Variants in FTSJ3 observed in about 807,000 individuals in gnomAD.
The protein encoded by FTSJ3 is FtsJ RNA 2'-O-methyltransferase 3.
A neutral mutation model predicts 111.5 loss-of-function variants in FTSJ3; 46 were observed. The ratio of observed to expected loss-of-function variants is 0.41; its 90% CI spans 0.33 to 0.53. FTSJ3 has a LOEUF of 0.53. Ranked by LOEUF, FTSJ3 falls within the 20% of genes least tolerant of loss-of-function variation. The probability of loss-of-function intolerance (pLI) is 0.19; values close to 1 mark genes in which losing one functional copy is unlikely to be tolerated. For missense variants in FTSJ3, 1,075 were observed against 1,063.8 expected (o/e 1.01, Z -0.15); for synonymous variants, 408 against 383.0 (o/e 1.07, Z -0.76).
At chr17:63,826,029 G>C in intron 5 of FTSJ3, 27 bp downstream of exon 5, 1 of 1,551,894 alleles carries the variant, frequency 6.4e-7, no homozygotes, top group Non-Finnish European at 8.8e-7. Context: ...CGTATAAAGG[G>C]GGAAGGAAGA....
rs901904744 is a variant in FTSJ3 at position 63,827,212 on chromosome 17, T to C, written c.-187A>G. The C allele has an allele frequency of 5.0e-6, 3 of 604,952 alleles. No homozygotes were observed. Among genetic ancestry groups the C allele is most frequent in the Non-Finnish European group, 8.8e-6 (3 of 342,056 alleles). 37.5% of individuals were successfully genotyped at this position (604,952 alleles called of 1,614,324 possible). A position where few individuals can be genotyped will look rare whatever the true frequency, so the allele number is the denominator to read the frequency against. ...ATACTCTGTCCTTGGGTTTTGTAAG[T>C]TGAAAGTTGAGACTAGGAAGGCATA... On this transcript the variant is annotated 5_prime_UTR_variant, in exon 1 of 21. Transcript: ENST00000427159.
intron 13 of FTSJ3, 126 bp downstream of exon 13, chr17:63,823,691 C>T: frequency 9.6e-7 from 1 of 1,045,252 alleles, no homozygotes; most frequent in Non-Finnish European, 1.4e-6. Flanking sequence ...CCAAGGCACC[C>T]TGTGGTGAAG....
Position 63,823,820 on chromosome 17 carries a change from G to C in FTSJ3, c.1287C>G (p.His429Gln), listed in dbSNP as rs758351662. Residue 429 changes from histidine (H) to glutamine (Q), a missense_variant, in exon 13 of 21, where the codon CAC (histidine) becomes CAG (glutamine). This residue lies in a region of FTSJ3 where 867 missense variants were observed against 796.9 expected (regional missense o/e 1.09). Transcript: ENST00000427159. The part of the protein sequence containing the change: ...GMFSLSTIRG[H>Q]QLLEEVTQGD... ...TGCACCCCCAATGCCGCCTCACCTG[G>C]TGACCCCGGATGGTGCTCAAGGAGA... 1 of 1,613,910 alleles carries C rather than the reference G, an allele frequency of 6.2e-7. No homozygotes were observed. Among genetic ancestry groups the C allele is most frequent in the South Asian group, 1.1e-5 (1 of 91,060 alleles).
chr17:63,823,958 G>T lies in FTSJ3; in HGVS notation c.1155-6C>A. On this transcript the variant is annotated splice_region_variant and splice_polypyrimidine_tract_variant and intron_variant, in intron 12 of 20. Coordinates refer to ENST00000427159, the MANE Select transcript of FTSJ3 (RefSeq NM_017647.4). Reference sequence around the variant, plus strand: ...GCAACAGCTTCTTTTTCTTCCTGAGGGGGTGGATTGAGGGAGTAAAACCGG... The same window carrying T: ...GCAACAGCTTCTTTTTCTTCCTGAGTGGGTGGATTGAGGGAGTAAAACCGG... 6 of 1,614,172 alleles carry T rather than the reference G, an allele frequency of 3.7e-6. No homozygotes were observed. The Admixed American group carries it at 5.0e-5, about 13-fold the overall frequency.
Position 63,824,854 on chromosome 17 carries a change from G to C in FTSJ3, c.787C>G (p.Pro263Ala), listed in dbSNP as rs534977992. Residue 263 changes from proline to alanine, a missense_variant, in exon 9 of 21, where the codon CCT becomes GCT. By Grantham distance (27) the Pro-to-Ala change is conservative. Transcript: ENST00000427159. The stretch of plus-strand genomic sequence containing the variant: ...CTGGCCTTGGAGAGGAAGTCAACAG[G>C]GTTGGCAGCTCGGAGGAAGTCAGTG... Reference protein sequence around the residue: ...SVTDFLRAANPVDFLSKASEI... With the variant: ...SVTDFLRAANAVDFLSKASEI... 3.7e-6 allele frequency: 6 copies of C among 1,606,044 alleles called. No individual in the cohort carries two copies. In the South Asian group the frequency reaches 4.5e-5, roughly 12 times the overall value.
In FTSJ3 at chr17:63,826,885, T is replaced by A. The variant is rs2040111541; in HGVS notation, c.18A>T (p.Lys6Asn). 6 of 1,613,912 alleles carry A rather than the reference T, an allele frequency of 3.7e-6. No homozygotes were observed. In the Admixed American group the frequency reaches 6.7e-5, roughly 18 times the overall value. The change falls in exon 2 of 21, where the codon AAA becomes AAT. Residue 6 changes from lysine to asparagine, a missense_variant. Around this residue, in one of 2 missense-constraint regions of FTSJ3, gnomAD observed 208 missense variants for 266.9 expected, o/e 0.78. Coordinates refer to ENST00000427159, the MANE Select transcript of FTSJ3 (RefSeq NM_017647.4). Reference protein sequence around the residue: MGKKGKVGKSRRDKFY... With the variant: MGKKGNVGKSRRDKFY... ...ACTTGTCTCGTCGGCTCTTGCCAAC[T>A]TTGCCCTTCTTGCCCATGGTGGAAA... is the stretch of plus-strand genomic sequence containing the variant.
chr17:63,825,926 G>A, intron 5 of FTSJ3, 130 bp downstream of exon 5: 1 of 755,470 alleles, frequency 1.3e-6, no homozygotes. Flanking sequence ...AATGCCATAG[G>A]TCTTGTCGTA....
At position 63,819,567 on chromosome 17, in the gene FTSJ3, G is replaced by T; in HGVS notation, c.*235C>A. ...TTCCCTTTAACGGTTTAAAAAAAGG[G>T]TCATGAGTGTCAACACAGTTCAGCA... On this transcript the variant is annotated 3_prime_UTR_variant, in exon 21 of 21. Transcript: ENST00000427159. 1 of 496,088 alleles carries T rather than the reference G, an allele frequency of 2.0e-6. No individual in the cohort carries two copies. The highest frequency in any genetic ancestry group is 3.8e-5 in the South Asian group (1 of 26,074). 30.7% of individuals were successfully genotyped at this position (496,088 alleles called of 1,614,324 possible).
rs1368430764 is a variant in FTSJ3 at position 63,825,525 on chromosome 17, A to T, written c.400+11T>A. On this transcript the variant is annotated intron_variant, in intron 6 of 20. Transcript: ENST00000427159. Reference sequence around the variant, plus strand: ...CCATCACCTGATCTCCAAGCACCACACTCCCTGTACCTTGTGAGTAAGCAT... The same window carrying T: ...CCATCACCTGATCTCCAAGCACCACTCTCCCTGTACCTTGTGAGTAAGCAT... 4 of 1,613,444 alleles carry T rather than the reference A, an allele frequency of 2.5e-6. No homozygotes were observed. Among genetic ancestry groups the T allele is most frequent in the Non-Finnish European group, 1.7e-6 (2 of 1,179,588 alleles).
In FTSJ3 at chr17:63,827,356, T is replaced by G. The variant is rs2040119169; in HGVS notation, c.-331A>C. On this transcript the variant is annotated 5_prime_UTR_variant, in exon 1 of 21. Coordinates refer to ENST00000427159, the MANE Select transcript of FTSJ3 (RefSeq NM_017647.4). The stretch of plus-strand genomic sequence containing the variant: ...GCCGCCCCTCCCATCATGGTTCCCT[T>G]AGTGTGGTCTCGCCGCACACCCCGC... 1.7e-6 allele frequency: 2 copies of G among 1,209,558 alleles called. No individual in the cohort carries two copies. The highest frequency in any genetic ancestry group is 1.4e-5 in the South Asian group (1 of 73,714). 74.9% of individuals were successfully genotyped at this position (1,209,558 alleles called of 1,614,324 possible).
At position 63,826,672 on chromosome 17, in the gene FTSJ3, C is replaced by T. The variant is rs1230195948; in HGVS notation, c.68G>A (p.Gly23Asp). The change falls in exon 3 of 21, where the codon GGT becomes GAT. Residue 23 changes from glycine (G) to aspartate (D), a missense_variant and splice_region_variant. Transcript: ENST00000427159. ...DKFYHLAKETGYRSRSAFKLI... is the reference protein window; with the variant it reads ...DKFYHLAKETDYRSRSAFKLI... ...CTTGAAAGCAGATCGGGAACGGTAACCTGGACAAAACAACCAAGTGCGCAA... is the reference window on the plus strand; with the variant it reads ...CTTGAAAGCAGATCGGGAACGGTAATCTGGACAAAACAACCAAGTGCGCAA... The T allele has an allele frequency of 1.9e-6, 3 of 1,613,296 alleles. No homozygotes were observed.
chr17:63,820,207 A>ACCCC, intron 19 of FTSJ3, 34 bp from the exon 20 acceptor site: 1 of 310,962 alleles, frequency 3.2e-6, no homozygotes. Flanking sequence ...CCTCTTCCCC[A>ACCCC]TCCCCCCACC....
At chr17:63,822,190 G>A in intron 13 of FTSJ3, 22 bp from the exon 14 acceptor site, 1 of 1,605,570 alleles carries the variant, frequency 6.2e-7, no homozygotes, top group Non-Finnish European at 8.5e-7. Flanking sequence ...CAGAAACAAA[G>A]GTAAACTATT....
intron 3 of FTSJ3, 53 bp from the exon 4 acceptor site, chr17:63,826,357 G>T: frequency 6.5e-7 from 1 of 1,546,878 alleles, no homozygotes; most frequent in South Asian, 1.1e-5. Context: ...TCCCCCTCTT[G>T]GCAACTGATC....
rs2584625 is a variant in FTSJ3, at chr17:63,826,085, G to C, written c.271C>G (p.Gln91Glu). Residue 91 changes from glutamine to glutamate, a missense_variant, in exon 5 of 21, where the codon CAG becomes GAG. By Grantham distance (29) the Gln-to-Glu change is conservative. This residue lies in a region of FTSJ3 where 208 missense variants were observed against 266.9 expected (regional missense o/e 0.78). Coordinates refer to ENST00000427159, the MANE Select transcript of FTSJ3 (RefSeq NM_017647.4). ...KPLPNVVTLQQDITTERCRQA... is the reference protein window; with the variant it reads ...KPLPNVVTLQEDITTERCRQA... ...CTACAACGTTCTGTTGTGATGTCCT[G>C]CTGGAGAGTCACCACATTGGGGAGA... The C allele has an allele frequency of 0.63, 1,022,320 of 1,611,476 alleles. 329,374 individuals are homozygous for C. The highest frequency in any genetic ancestry group is 0.92 in the African/African-American group (69,289 of 74,988).
chr17:63,826,113 C>G lies in FTSJ3; in HGVS notation c.243G>C (p.Lys81Asn), dbSNP rs777177106. The G allele has an allele frequency of 3.1e-6, 5 of 1,614,004 alleles. No individual in the cohort carries two copies. Among genetic ancestry groups the G allele is most frequent in the Non-Finnish European group, 4.2e-6 (5 of 1,179,858 alleles). Residue 81 changes from lysine (K) to asparagine (N), a missense_variant, in exon 5 of 21, where the codon AAG (lysine) becomes AAC (asparagine). Transcript: ENST00000427159. ...GGAGAGTCACCACATTGGGGAGAGG[C>G]TTGATTGGAACCAGGTCCACTCCTG... ...LIVGVDLVPI[K>N]PLPNVVTLQQ... is the part of the protein sequence containing the mutation.
At chr17:63,820,798 C>T in intron 18 of FTSJ3, 41 bp downstream of exon 18, 8 of 1,460,048 alleles carry the variant, frequency 5.5e-6, no homozygotes, top group Non-Finnish European at 7.7e-6. Context: ...ATTTACCCAC[C>T]AGACCCTGGG....
intron 5 of FTSJ3, 179 bp from the exon 6 acceptor site, chr17:63,825,814 A>T (rs1406812487): frequency 4.7e-6 from 3 of 642,068 alleles, no homozygotes; most frequent in Non-Finnish European, 8.1e-6. Flanking sequence ...ACAGTCTGAC[A>T]CTGAATTCAC....
rs1457823949 is a variant in FTSJ3 at position 63,826,020 on chromosome 17, G to A, written c.300+36C>T. ...GGATTTCAGGGATGTAGATGTTTCC[G>A]TATAAAGGGGGAAGGAAGAGAGAGA... On this transcript the variant is annotated intron_variant, in intron 5 of 20. Transcript: ENST00000427159. 4.6e-6 allele frequency: 7 copies of A among 1,523,458 alleles called. No individual in the cohort carries two copies. The Admixed American group carries it at 7.1e-5, about 15-fold the overall frequency. 94.4% of individuals were successfully genotyped at this position (1,523,458 alleles called of 1,614,324 possible). A position where few individuals can be genotyped will look rare whatever the true frequency, so the allele number is the denominator to read the frequency against.
Sources: gnomAD v4.1 joint callset for allele counts on GRCh38, gnomAD v4.1.1 for gene constraint, gnomAD v4.1.1 regional missense constraint, MANE v1.5 for transcripts, NCBI Gene and HGNC (gene_info 2026-07-23, HGNC 2026-07-21) for gene names.